The following UNC5D variants were observed in gnomAD, a reference collection of about 807,000 sequenced individuals.
UNC5D encodes the protein unc-5 netrin receptor D.
In UNC5D, 39 loss-of-function variants were observed where a neutral mutation model predicts 105.4. The ratio of observed to expected loss-of-function variants is 0.37; its 90% CI spans 0.29 to 0.48. The LOEUF is 0.48. Among genes scored for constraint, UNC5D ranks in the 20% least tolerant of loss-of-function variants. UNC5D has a pLI of 0.98. For synonymous variants in UNC5D, 452 were observed against 450.4 expected, an observed-to-expected ratio of 1.00 and a Z score of -0.04; for missense variants, 991 against 1,202.4, an observed-to-expected ratio of 0.82 and a Z score of 2.60.
chr8:35,651,748 T>G (rs1823417381), intron 4 of UNC5D, among the ~76,000 whole-genome samples: 1 of 152,196 alleles, frequency 6.6e-6, no homozygotes, highest in South Asian at 2.1e-4. Flanking sequence ...GAATTTTGTA[T>G]AGGTGAAACT....
At chr8:35,655,000 T>C (rs962024299) in intron 4 of UNC5D, among the ~76,000 whole-genome samples, 1 of 152,192 alleles carries the variant, frequency 6.6e-6, no homozygotes, top group Non-Finnish European at 1.5e-5. Flanking sequence ...AACTACAGAA[T>C]GTACTAGGAC....
intron 9 of UNC5D, among the ~76,000 whole-genome samples, chr8:35,724,862 A>T (rs1828774713): frequency 6.6e-6 from 1 of 152,204 alleles, no homozygotes. Context: ...GGTCACCTGA[A>T]GAACTCAGTG....
chr8:35,753,627 A>AC (rs1287446823), intron 13 of UNC5D, among the ~76,000 whole-genome samples: 4 of 152,150 alleles, frequency 2.6e-5, no homozygotes, highest in African/African-American at 9.7e-5. Context: ...AATACCTTTG[A>AC]CCCCATTTGT....
intron 1 of UNC5D, among the ~76,000 whole-genome samples, chr8:35,302,167 A>G (rs1808007820): frequency 6.6e-6 from 1 of 152,204 alleles, no homozygotes; most frequent in Non-Finnish European, 1.5e-5. Flanking sequence ...TATATTTGAA[A>G]TATTTATTTA....
At chr8:35,293,053 T>C (rs1348732096) in intron 1 of UNC5D, among the ~76,000 whole-genome samples, 1 of 151,958 alleles carries the variant, frequency 6.6e-6, no homozygotes, top group African/African-American at 2.4e-5. Flanking sequence ...ATAAGGAAAA[T>C]AAAATATATT....
At chr8:35,572,038 A>G (rs1360931170) in intron 3 of UNC5D, among the ~76,000 whole-genome samples, 2 of 152,086 alleles carry the variant, frequency 1.3e-5, no homozygotes, top group African/African-American at 2.4e-5. Flanking sequence ...TGTAATCCCA[A>G]CACTTTGGAA....
intron 1 of UNC5D, among the ~76,000 whole-genome samples, chr8:35,248,290 GTTATATAAAATATATAATATATAAA>G (rs1290005613): frequency 1.1e-3 from 118 of 109,114 alleles, no homozygotes; most frequent in East Asian, 2.4e-3. Flanking sequence ...ATAAATATAT[GTTATATAAAATATATAATATATAAA>G]TATATGTTAT....
intron 1 of UNC5D, among the ~76,000 whole-genome samples, chr8:35,291,665 T>A (rs1391306036): frequency 1.3e-5 from 2 of 152,208 alleles, no homozygotes; most frequent in Non-Finnish European, 2.9e-5. Context: ...GTTTGGGTGG[T>A]GGATTGTGTG....
rs79163389 is a variant in UNC5D at position 35,593,015 on chromosome 8, G to C, written c.467-2539G>C. Among the ~76,000 whole-genome samples, 954 of 149,606 alleles carry C rather than the reference G, an allele frequency of 6.4e-3. 7 individuals carry two copies. Among genetic ancestry groups the C allele is most frequent in the African/African-American group, 0.023 (915 of 40,462 alleles). ...AAGTTTCTAGTTTATGAGTAATACC[G>C]TTTCCTAGGTCCCACTGTCAGTAGT... is the stretch of plus-strand genomic sequence containing the variant. On this transcript the variant is annotated intron_variant, in intron 3 of 16. Coordinates refer to ENST00000404895, the MANE Select transcript of UNC5D (RefSeq NM_080872.4).
At chr8:35,721,108 A>T (rs577258353) in intron 8 of UNC5D, among the ~76,000 whole-genome samples, 119 of 152,314 alleles carry the variant, frequency 7.8e-4, no homozygotes, top group Non-Finnish European at 1.4e-3. Flanking sequence ...GCTTTATTTT[A>T]TCCTCTAAGC....
intron 1 of UNC5D, among the ~76,000 whole-genome samples, chr8:35,304,226 C>A (rs1180529162): frequency 6.6e-6 from 1 of 151,960 alleles, no homozygotes; most frequent in Non-Finnish European, 1.5e-5. Flanking sequence ...CAATAATGGC[C>A]TCTCTGATAC....
At position 35,576,590 on chromosome 8, in the gene UNC5D, A is replaced by T. The variant is rs151012384; in HGVS notation, c.466+8349A>T. Among the ~76,000 whole-genome samples the T allele has an allele frequency of 2.3e-4, 35 of 152,118 alleles. No homozygotes were observed. In the East Asian group the frequency reaches 6.0e-3, roughly 26 times the overall value. On this transcript the variant is annotated intron_variant, in intron 3 of 16. Coordinates refer to ENST00000404895, the MANE Select transcript of UNC5D (RefSeq NM_080872.4). ...CATTCAATAAGTAGGTGAGATATGG[A>T]CTAACAGAGTTGTTTGTTTGTTTGT...
At chr8:35,249,035 T>TA in intron 1 of UNC5D, among the ~76,000 whole-genome samples, 1 of 23,166 alleles carries the variant, frequency 4.3e-5, no homozygotes, top group Non-Finnish European at 1.4e-4. Flanking sequence ...GTTTATATAA[T>TA]ATATATTATA....
chr8:35,315,266 T>C (rs1481873518), intron 1 of UNC5D, among the ~76,000 whole-genome samples: 1 of 152,244 alleles, frequency 6.6e-6, no homozygotes, highest in Non-Finnish European at 1.5e-5. Flanking sequence ...GACAATCATT[T>C]ACTATTGCTC....
In UNC5D at chr8:35,364,696, C is replaced by G. The variant is rs575587681; in HGVS notation, c.103+128809C>G. On this transcript the variant is annotated intron_variant, in intron 1 of 16. Transcript: ENST00000404895. ...CACACATTTGTATACATTTCCATAC[C>G]TATCAGTATATATACTAAAATCCAC... Among the ~76,000 whole-genome samples the G allele has an allele frequency of 3.3e-5, 5 of 152,194 alleles. No individual in the cohort carries two copies. In the South Asian group the frequency reaches 1.0e-3, roughly 32 times the overall value.
intron 1 of UNC5D, among the ~76,000 whole-genome samples, chr8:35,262,459 A>T (rs1804558396): frequency 6.6e-6 from 1 of 152,206 alleles, no homozygotes; most frequent in African/African-American, 2.4e-5. Context: ...AGCTTACTTA[A>T]GTATTGAACA....
intron 1 of UNC5D, among the ~76,000 whole-genome samples, chr8:35,406,783 T>C (rs544235894): frequency 1.3e-5 from 2 of 152,190 alleles, no homozygotes; most frequent in African/African-American, 4.8e-5. Context: ...ATCCTATAAC[T>C]AGTTGGTGAC....
chr8:35,248,842 T>C (rs1195634999), intron 1 of UNC5D, among the ~76,000 whole-genome samples: 26 of 96,900 alleles, frequency 2.7e-4, no homozygotes, highest in African/African-American at 9.8e-4. Flanking sequence ...TTTAAAAATA[T>C]ATTTTATATA....
intron 1 of UNC5D, among the ~76,000 whole-genome samples, chr8:35,451,954 C>T (rs1459358502): frequency 6.6e-6 from 1 of 152,120 alleles, no homozygotes; most frequent in African/African-American, 2.4e-5. Flanking sequence ...CTCTGAAGTC[C>T]CTTTCTTCAT....
Sources: gnomAD v4.1 joint callset for allele counts (sites outside exome capture counted in the v4.1 genomes callset) on GRCh38, gnomAD v4.1.1 for gene constraint, MANE v1.5 for transcripts, NCBI Gene and HGNC (gene_info 2026-07-23, HGNC 2026-07-21) for gene names.